The following RANBP2 variants were observed in gnomAD, a reference collection of about 807,000 sequenced individuals.
RANBP2 encodes RAN binding protein 2.
RANBP2 carries 57 observed loss-of-function variants against 303.6 expected under a neutral mutation model. The ratio of observed to expected loss-of-function variants is 0.19; its 90% CI spans 0.15 to 0.23. The LOEUF (loss-of-function observed/expected upper bound fraction) is 0.23. Among genes scored for constraint, RANBP2 ranks in the 10% least tolerant of loss-of-function variants. The probability of loss-of-function intolerance (pLI) is 1.00; values close to 1 mark genes in which losing one functional copy is unlikely to be tolerated. For synonymous variants in RANBP2, 1,167 were observed against 1,301.5 expected, an observed-to-expected ratio of 0.90 and a Z score of 2.23; for missense variants, 3,138 against 3,780.8, an observed-to-expected ratio of 0.83 and a Z score of 4.46.
intron 1 of RANBP2, among the ~76,000 whole-genome samples, chr2:108,728,266 T>G (rs1321561865): frequency 6.6e-6 from 1 of 152,206 alleles, no homozygotes; most frequent in African/African-American, 2.4e-5. Context: ...TCTGCTTGTC[T>G]TACTTTCTTG....
At chr2:109,666,634 C>G in the RANBP2 span, among the ~76,000 whole-genome samples, 1 of 152,164 alleles carries the variant, frequency 6.6e-6, no homozygotes, top group Non-Finnish European at 1.5e-5. Context: ...CTATCAGAAA[C>G]AGAATAAAGT....
At chr2:109,357,369 G>A in the RANBP2 span, among the ~76,000 whole-genome samples, 3 of 152,134 alleles carry the variant, frequency 2.0e-5, no homozygotes, top group Non-Finnish European at 4.4e-5. Context: ...TTTTAGTAGA[G>A]ACGAGGTTTC....
At chr2:109,085,431 G>A in the RANBP2 span, among the ~76,000 whole-genome samples, 1 of 151,756 alleles carries the variant, frequency 6.6e-6, no homozygotes, top group Non-Finnish European at 1.5e-5. Flanking sequence ...AGCCTCCCAA[G>A]TAGCTGGGCC....
At chr2:108,774,193 A>G (rs1677711144) in intron 23 of RANBP2, among the ~76,000 whole-genome samples, 1 of 152,152 alleles carries the variant, frequency 6.6e-6, no homozygotes, top group Admixed American at 6.5e-5. Context: ...TCATGGTACA[A>G]TTTTGTTATG....
chr2:109,186,913 C>CA, the RANBP2 span, among the ~76,000 whole-genome samples: 2 of 152,046 alleles, frequency 1.3e-5, no homozygotes, highest in Non-Finnish European at 2.9e-5. Context: ...CAGTTTATAG[C>CA]AAAAAAGCGT....
At chr2:109,260,524 T>C in the RANBP2 span, among the ~76,000 whole-genome samples, 1 of 152,328 alleles carries the variant, frequency 6.6e-6, no homozygotes, top group South Asian at 2.1e-4. Context: ...AGCTTAGCAC[T>C]TTCACTTGTA....
At chr2:109,362,005 T>C in the RANBP2 span, among the ~76,000 whole-genome samples, 1 of 152,190 alleles carries the variant, frequency 6.6e-6, no homozygotes, top group African/African-American at 2.4e-5. Context: ...TTTATTGATC[T>C]TTTTAAAGAT....
At chr2:108,725,369 T>G (rs1283366246) in intron 1 of RANBP2, among the ~76,000 whole-genome samples, 1 of 151,742 alleles carries the variant, frequency 6.6e-6, no homozygotes, top group African/African-American at 2.4e-5. Flanking sequence ...TATCTTAAGA[T>G]TGTCTACTTT....
chr2:109,495,220 T>C, the RANBP2 span, among the ~76,000 whole-genome samples: 1 of 152,146 alleles, frequency 6.6e-6, no homozygotes, highest in Non-Finnish European at 1.5e-5. Flanking sequence ...GGTGTGGTCA[T>C]GGGAAATGCA....
At chr2:109,155,522 C>T in the RANBP2 span, among the ~76,000 whole-genome samples, 2 of 152,102 alleles carry the variant, frequency 1.3e-5, no homozygotes, top group African/African-American at 4.8e-5. Context: ...AGGGTGGTCT[C>T]GATCTCCTGA....
At chr2:108,862,991 A>C in the RANBP2 span, among the ~76,000 whole-genome samples, 1 of 152,160 alleles carries the variant, frequency 6.6e-6, no homozygotes, top group South Asian at 2.1e-4. Flanking sequence ...AAAACTTTGG[A>C]CTATACTCCA....
chr2:109,571,627 T>C, the RANBP2 span, among the ~76,000 whole-genome samples: 1 of 152,202 alleles, frequency 6.6e-6, no homozygotes, highest in African/African-American at 2.4e-5. Flanking sequence ...CTATATTTGG[T>C]CCCTTGCTGA....
At chr2:109,328,669 C>T in the RANBP2 span, among the ~76,000 whole-genome samples, 2 of 152,132 alleles carry the variant, frequency 1.3e-5, no homozygotes, top group African/African-American at 2.4e-5. Context: ...CCAGAAACAG[C>T]GTGGGATGAT....
At chr2:108,980,239 A>C in the RANBP2 span, among the ~76,000 whole-genome samples, 1 of 151,964 alleles carries the variant, frequency 6.6e-6, no homozygotes, top group East Asian at 1.9e-4. Context: ...TATTTGCTTC[A>C]CTGATTCCGG....
chr2:109,130,084 G>A, the RANBP2 span: 3 of 1,364,572 alleles, frequency 2.2e-6, no homozygotes, highest in Non-Finnish European at 1.9e-6. Flanking sequence ...GCGGGAGCTG[G>A]CGACCAGCAG....
chr2:109,490,949 G>A, the RANBP2 span: 1 of 1,468,082 alleles, frequency 6.8e-7, no homozygotes, highest in Non-Finnish European at 9.0e-7. Context: ...AAGTGCAGGG[G>A]CTTGTCTGCT....
At chr2:109,009,776 G>A in the RANBP2 span, among the ~76,000 whole-genome samples, 1 of 148,532 alleles carries the variant, frequency 6.7e-6, no homozygotes, top group Non-Finnish European at 1.5e-5. Context: ...CAAAGTCTTG[G>A]GCTCAAGCCA....
chr2:109,690,786 G>A, the RANBP2 span, among the ~76,000 whole-genome samples: 3 of 152,070 alleles, frequency 2.0e-5, no homozygotes, highest in Non-Finnish European at 4.4e-5. Context: ...GGTGTGTTGG[G>A]GGGTAGAATT....
At chr2:108,935,072 A>T in the RANBP2 span, among the ~76,000 whole-genome samples, 1 of 152,222 alleles carries the variant, frequency 6.6e-6, no homozygotes, top group Non-Finnish European at 1.5e-5. Context: ...TCATGATATA[A>T]GAGACCGCAT....
Sources: allele counts gnomAD v4.1 joint callset (sites outside exome capture counted in the v4.1 genomes callset), GRCh38; gene constraint gnomAD v4.1.1; transcripts MANE v1.5; gene names NCBI Gene and HGNC (gene_info 2026-07-23, HGNC 2026-07-21).